ZNF236: variants seen among roughly 807,000 people sequenced by gnomAD.
ZNF236 encodes the protein regulated by glucose.
A neutral mutation model predicts 191.2 loss-of-function variants in ZNF236; 50 were observed. That is an observed-to-expected ratio of 0.26 (90% CI 0.21 to 0.33). The LOEUF is 0.33. ZNF236 is among the 10% of genes least tolerant of loss of function. The probability of loss-of-function intolerance (pLI) is 1.00; values close to 1 mark genes in which losing one functional copy is unlikely to be tolerated. For synonymous variants in ZNF236, 907 were observed against 928.8 expected, an observed-to-expected ratio of 0.98 and a Z score of 0.43; for missense variants, 1,754 against 2,374.5, an observed-to-expected ratio of 0.74 and a Z score of 5.43.
In ZNF236 at chr18:76,875,464, T is replaced by C. The variant is rs752461496; in HGVS notation, c.668-28T>C. On this transcript the variant is annotated intron_variant, in intron 5 of 30. Transcript: ENST00000320610. This position sits in a 1 kb window ranked among gnomAD's most constrained non-coding sequence, Gnocchi z 4.3. ...AAGATGCCCATACAATATGGAATTA[T>C]ATTTTGATCATTTTTCTCCCACTCT... The C allele has an allele frequency of 1.0e-5, 15 of 1,478,222 alleles. No homozygotes were observed. The highest frequency in any genetic ancestry group is 2.5e-5 in the East Asian group (1 of 40,812). 91.6% of individuals were successfully genotyped at this position (1,478,222 alleles called of 1,614,324 possible). A position where few individuals can be genotyped will look rare whatever the true frequency, so the allele number is the denominator to read the frequency against.
At chr18:76,944,235 T>C (rs1599416371) in intron 26 of ZNF236, among the ~76,000 whole-genome samples, 1 of 152,182 alleles carries the variant, frequency 6.6e-6, no homozygotes, top group Non-Finnish European at 1.5e-5. Context: ...TCCTCTCTGC[T>C]GGGGCTTGGT....
At chr18:76,902,211 CT>C (rs1457667082) in intron 11 of ZNF236, among the ~76,000 whole-genome samples, 1 of 152,142 alleles carries the variant, frequency 6.6e-6, no homozygotes, top group Non-Finnish European at 1.5e-5. Context: ...GTAACTATGT[CT>C]TGTGCTTAAT....
intron 21 of ZNF236, among the ~76,000 whole-genome samples, chr18:76,923,893 T>C (rs1277453610): frequency 4.6e-5 from 7 of 152,180 alleles, no homozygotes; most frequent in Non-Finnish European, 1.5e-5. Context: ...GGTAAACACT[T>C]AGGAATGGAT....
intron 3 of ZNF236, among the ~76,000 whole-genome samples, chr18:76,860,501 C>T (rs1976183826): frequency 6.6e-6 from 1 of 152,222 alleles, no homozygotes; most frequent in Non-Finnish European, 1.5e-5. Context: ...GTTTTCTCTT[C>T]CACAGATGGG....
intron 27 of ZNF236, among the ~76,000 whole-genome samples, chr18:76,955,659 G>C (rs1463148536): frequency 6.6e-6 from 1 of 152,158 alleles, no homozygotes; most frequent in Non-Finnish European, 1.5e-5. Context: ...CCATGAGGAC[G>C]CGACCACGGA....
In ZNF236 at chr18:76,966,193, C is replaced by T. The variant is rs560967967; in HGVS notation, c.5420-2022C>T. On this transcript the variant is annotated intron_variant, in intron 30 of 30. Coordinates refer to ENST00000320610, the MANE Select transcript of ZNF236 (RefSeq NM_001306089.2). Reference sequence around the variant, plus strand: ...AGCAAAAATTCACAATGTGAGCCTCCTCATGCTGCTCTGTCCCTTTGAGTC... The same window carrying T: ...AGCAAAAATTCACAATGTGAGCCTCTTCATGCTGCTCTGTCCCTTTGAGTC... Among the ~76,000 whole-genome samples, 190 of 152,310 alleles carry T rather than the reference C, an allele frequency of 1.2e-3. 1 individual carries two copies. The highest frequency in any genetic ancestry group is 4.3e-3 in the African/African-American group (178 of 41,574).
At chr18:76,959,334 G>A (rs941613915) in intron 28 of ZNF236, among the ~76,000 whole-genome samples, 1 of 152,142 alleles carries the variant, frequency 6.6e-6, no homozygotes, top group Admixed American at 6.5e-5. Flanking sequence ...CACAGCCAAC[G>A]GAGAGAGCTC....
At chr18:76,933,030 T>G (rs1967899108) in intron 25 of ZNF236, among the ~76,000 whole-genome samples, 1 of 152,218 alleles carries the variant, frequency 6.6e-6, no homozygotes, top group Non-Finnish European at 1.5e-5. Flanking sequence ...CAGGTGAGGG[T>G]CCTTTCAGGG....
At chr18:76,823,186 C>G (rs1342142935) in intron 1 of ZNF236, among the ~76,000 whole-genome samples, 2 of 152,020 alleles carry the variant, frequency 1.3e-5, no homozygotes, top group African/African-American at 4.8e-5. Flanking sequence ...ACAGGGAGGC[C>G]GTGGAGCGCG....
intron 3 of ZNF236, among the ~76,000 whole-genome samples, chr18:76,854,848 C>T (rs540271492): frequency 6.6e-6 from 1 of 152,156 alleles, no homozygotes; most frequent in Non-Finnish European, 1.5e-5. Flanking sequence ...AATTTAACAC[C>T]TTCTCTTGCA....
At position 76,959,795 on chromosome 18, in the gene ZNF236, C is replaced by G; in HGVS notation, c.5221C>G (p.Arg1741Gly). 1.2e-6 allele frequency: 2 copies of G among 1,613,998 alleles called. No homozygotes were observed. The highest frequency in any genetic ancestry group is 1.7e-6 in the Non-Finnish European group (2 of 1,179,952). Residue 1741 changes from arginine (R) to glycine (G), a missense_variant, in exon 29 of 31, where the codon CGC (arginine) becomes GGC (glycine). Around this residue, in one of 5 missense-constraint regions of ZNF236, gnomAD observed 606 missense variants for 761.5 expected, o/e 0.80. Transcript: ENST00000320610. ...ATTTGCCAAACCAAGCCAGCTGGAG[C>G]GCCACAGCCGCATACATACAGGTAA... ...KAFAKPSQLE[R>G]HSRIHTGERP...
intron 3 of ZNF236, among the ~76,000 whole-genome samples, chr18:76,859,491 CG>C (rs1405075385): frequency 6.6e-6 from 1 of 152,040 alleles, no homozygotes; most frequent in Non-Finnish European, 1.5e-5. Context: ...AAGACCAACC[CG>C]GGTGTGTTGG....
intron 3 of ZNF236, among the ~76,000 whole-genome samples, chr18:76,861,605 GT>G (rs1976227105): frequency 6.6e-6 from 1 of 152,172 alleles, no homozygotes; most frequent in African/African-American, 2.4e-5. Flanking sequence ...TGCATTTTGT[GT>G]TTGATTTTTC....
chr18:76,904,615 C>A, intron 12 of ZNF236, 94 bp downstream of exon 12: 3 of 1,166,088 alleles, frequency 2.6e-6, no homozygotes, highest in Non-Finnish European at 2.3e-6. Flanking sequence ...GTAGCATTAG[C>A]TTTTGGTATT....
chr18:76,968,711 A>T lies in ZNF236; in HGVS notation c.*372A>T. ...AACGCTAACATTGAAAAAGTATGTC[A>T]GATTTTCCTTCATGTTTCTGGTTAT... On this transcript the variant is annotated 3_prime_UTR_variant, in exon 31 of 31. Transcript: ENST00000320610. 1 of 1,001,682 alleles carries T rather than the reference A, an allele frequency of 1.0e-6. No individual in the cohort carries two copies. Among genetic ancestry groups the T allele is most frequent in the Non-Finnish European group, 1.2e-6 (1 of 840,924 alleles). 62.0% of individuals were successfully genotyped at this position (1,001,682 alleles called of 1,614,324 possible). A position where few individuals can be genotyped will look rare whatever the true frequency, so the allele number is the denominator to read the frequency against.
At chr18:76,962,313 T>C (rs887491028) in intron 30 of ZNF236, among the ~76,000 whole-genome samples, 1 of 152,132 alleles carries the variant, frequency 6.6e-6, no homozygotes, top group African/African-American at 2.4e-5. Flanking sequence ...TTGAAAAGGG[T>C]GTCCTTTCCC....
At chr18:76,928,331 C>T (rs1244829504) in intron 25 of ZNF236, among the ~76,000 whole-genome samples, 1 of 152,192 alleles carries the variant, frequency 6.6e-6, no homozygotes, top group Non-Finnish European at 1.5e-5. Flanking sequence ...AGTTTGAGTA[C>T]AGTCAGTTAT....
At chr18:76,899,935 G>A (rs538402747) in intron 11 of ZNF236, among the ~76,000 whole-genome samples, 1 of 152,298 alleles carries the variant, frequency 6.6e-6, no homozygotes, top group South Asian at 2.1e-4. Flanking sequence ...TGAGTGTCTA[G>A]TGAGGTCTCT....
At chr18:76,922,455 C>T (rs983691623) in intron 20 of ZNF236, among the ~76,000 whole-genome samples, 4 of 152,024 alleles carry the variant, frequency 2.6e-5, no homozygotes, top group African/African-American at 9.7e-5. Flanking sequence ...GTTTGTATTT[C>T]TTCTGTAAAC....
Sources: gnomAD v4.1 joint callset for allele counts (sites outside exome capture counted in the v4.1 genomes callset) on GRCh38, gnomAD v4.1.1 for gene constraint, gnomAD v4.1.1 regional missense constraint, Gnocchi (gnomAD v3.1) non-coding constraint, MANE v1.5 for transcripts, NCBI Gene and HGNC (gene_info 2026-07-23, HGNC 2026-07-21) for gene names.